Variants in IL22RA1 observed in about 807,000 individuals in gnomAD.
IL22RA1 encodes the protein interleukin-22 receptor subunit alpha-1.
A neutral mutation model predicts 32.8 loss-of-function variants in IL22RA1; 25 were observed. That is an observed-to-expected ratio of 0.76 (90% CI 0.55 to 1.06). IL22RA1 has a LOEUF of 1.06. IL22RA1 is among the 50% of genes least tolerant of loss of function. The pLI, the probability that IL22RA1 is intolerant of heterozygous loss-of-function variation, is 0.00. For missense variants in IL22RA1, 709 were observed against 727.4 expected (o/e 0.97, Z 0.29); for synonymous variants, 305 against 305.0 (o/e 1.00, Z 0.00).
intron 6 of IL22RA1, among the ~76,000 whole-genome samples, 160 bp downstream of exon 6, chr1:24,123,142 C>T (rs1644136796): frequency 1.3e-5 from 2 of 152,232 alleles, no homozygotes; most frequent in African/African-American, 2.4e-5. Flanking sequence ...CTGGGCTACA[C>T]GTCCGTTGAC....
At chr1:24,122,583 G>A (rs1644132779) in intron 6 of IL22RA1, among the ~76,000 whole-genome samples, 2 of 152,114 alleles carry the variant, frequency 1.3e-5, no homozygotes, top group Admixed American at 1.3e-4. Context: ...ATCACCTGAA[G>A]TCAGGAGTTT....
At chr1:24,128,117 C>A in intron 5 of IL22RA1, 24 bp downstream of exon 5, 1 of 1,496,218 alleles carries the variant, frequency 6.7e-7, no homozygotes, top group Non-Finnish European at 8.9e-7. Context: ...AGCCCCACCT[C>A]CCTCTGGTTT....
intron 5 of IL22RA1, among the ~76,000 whole-genome samples, chr1:24,125,036 G>A (rs775846601): frequency 6.6e-6 from 1 of 152,152 alleles, no homozygotes; most frequent in Non-Finnish European, 1.5e-5. Context: ...GGGTGTTAGA[G>A]GCCTGGCTCT....
chr1:24,137,212 A>T lies in IL22RA1; in HGVS notation c.274T>A (p.Tyr92Asn), dbSNP rs1234654321. 17 of 1,613,908 alleles carry T rather than the reference A, an allele frequency of 1.1e-5. No individual in the cohort carries two copies. The highest frequency in any genetic ancestry group is 1.4e-5 in the Non-Finnish European group (17 of 1,179,810). Residue 92 changes from tyrosine to asparagine, a missense_variant, in exon 3 of 7, where the codon TAC becomes AAC. Coordinates refer to ENST00000270800, the MANE Select transcript of IL22RA1 (RefSeq NM_021258.4). Reference sequence around the variant, plus strand: ...CTGACAGCGGTGACCCTGGCATAGTAGAGCTCCGTGAGGTTGCCCGTCTCC... The same window carrying T: ...CTGACAGCGGTGACCCTGGCATAGTTGAGCTCCGTGAGGTTGCCCGTCTCC... ...TVETGNLTEL[Y>N]YARVTAVSAG...
At chr1:24,142,287 CT>C (rs1259405567) in intron 1 of IL22RA1, among the ~76,000 whole-genome samples, 1 of 152,232 alleles carries the variant, frequency 6.6e-6, no homozygotes, top group Non-Finnish European at 1.5e-5. Context: ...GAGGCCATAC[CT>C]GCTCGCCATC....
chr1:24,129,224 T>C (rs1469567389), intron 4 of IL22RA1, among the ~76,000 whole-genome samples: 1 of 152,226 alleles, frequency 6.6e-6, no homozygotes, highest in East Asian at 1.9e-4. Context: ...CTGCAAGATT[T>C]GCTCTTCAAC....
At chr1:24,121,772 T>A (rs1644124901) in intron 6 of IL22RA1, 35 bp from the exon 7 acceptor site, 1 of 1,437,302 alleles carries the variant, frequency 7.0e-7, no homozygotes, top group Non-Finnish European at 9.2e-7. Flanking sequence ...CCCCCTGTGG[T>A]TAGGGTAAGT....
At chr1:24,136,056 G>T (rs1035008105) in intron 3 of IL22RA1, among the ~76,000 whole-genome samples, 2 of 152,168 alleles carry the variant, frequency 1.3e-5, no homozygotes, top group African/African-American at 4.8e-5. Context: ...CTGGGTTCAA[G>T]CTACCCTCCC....
At chr1:24,133,266 G>A (rs1644219044) in intron 4 of IL22RA1, among the ~76,000 whole-genome samples, 1 of 151,340 alleles carries the variant, frequency 6.6e-6, no homozygotes, top group South Asian at 2.1e-4. Context: ...TGTCATTTTT[G>A]GCTTCCTAAA....
intron 4 of IL22RA1, 75 bp from the exon 5 acceptor site, chr1:24,128,354 G>A (rs1272524113): frequency 8.3e-6 from 13 of 1,569,008 alleles, no homozygotes; most frequent in Admixed American, 1.7e-5. Flanking sequence ...AAGCTTGCTC[G>A]CTCCTCCTGG....
chr1:24,121,468 G>T lies in IL22RA1; in HGVS notation c.1062C>A (p.Asn354Lys). The T allele has an allele frequency of 1.3e-6, 2 of 1,549,246 alleles. No individual in the cohort carries two copies. Among genetic ancestry groups the T allele is most frequent in the Non-Finnish European group, 1.7e-6 (2 of 1,145,422 alleles). ...QILSPLSYAP[N>K]AAPEVGPPSY... is the part of the protein sequence containing the mutation. The stretch of plus-strand genomic sequence containing the variant: ...ATGGGGGCCCGACCTCAGGGGCAGC[G>T]TTTGGGGCATAGGACAGTGGGGAGA... Residue 354 changes from asparagine (N) to lysine (K), a missense_variant, in exon 7 of 7, where the codon AAC becomes AAA. Asn to Lys is a moderately conservative substitution (Grantham distance 94, BLOSUM62 0). Coordinates refer to ENST00000270800, the MANE Select transcript of IL22RA1 (RefSeq NM_021258.4).
At chr1:24,124,079 A>G (rs993651093) in intron 5 of IL22RA1, among the ~76,000 whole-genome samples, 8 of 152,214 alleles carry the variant, frequency 5.3e-5, no homozygotes, top group African/African-American at 1.9e-4. Context: ...CACAGGATCC[A>G]GATGGATCTG....
At position 24,128,132 on chromosome 1, in the gene IL22RA1, C is replaced by G; in HGVS notation, c.670+9G>C. On this transcript the variant is annotated intron_variant, in intron 5 of 6. Coordinates refer to ENST00000270800, the MANE Select transcript of IL22RA1 (RefSeq NM_021258.4). ...AGCCCCACCTCCCTCTGGTTTCAGC[C>G]GAACTCACCTGGCAGTGTCTTCACT... The G allele has an allele frequency of 3.3e-6, 5 of 1,507,896 alleles. No homozygotes were observed. The highest frequency in any genetic ancestry group is 2.7e-5 in the South Asian group (2 of 75,220). The allele number at this position is 1,507,896 out of a possible 1,614,324, so 93.4% of individuals were successfully genotyped here.
At chr1:24,132,377 G>A (rs982562830) in intron 4 of IL22RA1, among the ~76,000 whole-genome samples, 17 of 150,226 alleles carry the variant, frequency 1.1e-4, no homozygotes, top group African/African-American at 3.9e-4. Context: ...TGTCGCCCAG[G>A]CTGGAGTGCA....
chr1:24,135,781 A>C (rs1326727956), intron 3 of IL22RA1, among the ~76,000 whole-genome samples: 1 of 152,304 alleles, frequency 6.6e-6, no homozygotes, highest in East Asian at 1.9e-4. Flanking sequence ...ACAAGAACGT[A>C]CCCACTATCA....
chr1:24,141,191 G>A (rs1023418384), intron 1 of IL22RA1, among the ~76,000 whole-genome samples: 1 of 152,236 alleles, frequency 6.6e-6, no homozygotes, highest in African/African-American at 2.4e-5. Flanking sequence ...GGTGACGGCT[G>A]TGCCGTGGAG....
intron 5 of IL22RA1, among the ~76,000 whole-genome samples, chr1:24,124,852 T>C (rs1001344391): frequency 5.9e-5 from 9 of 152,118 alleles, no homozygotes; most frequent in Non-Finnish European, 1.2e-4. Context: ...CGAATGTCTA[T>C]AACATTCCTG....
Position 24,120,613 on chromosome 1 carries a change from T to C in IL22RA1, c.*192A>G. 3.4e-6 allele frequency: 2 copies of C among 583,192 alleles called. No homozygotes were observed. Among genetic ancestry groups the C allele is most frequent in the South Asian group, 5.3e-5 (2 of 37,464 alleles). The allele number at this position is 583,192 out of a possible 1,614,324, so 36.1% of individuals were successfully genotyped here. A position where few individuals can be genotyped will look rare whatever the true frequency, so the allele number is the denominator to read the frequency against. On this transcript the variant is annotated 3_prime_UTR_variant, in exon 7 of 7. Transcript: ENST00000270800. ...CAGAGCTCCCCCGCTGCAGTCCTTA[T>C]CATGCTGCTTTGCTCCGGTGAGGAG...
Position 24,138,725 on chromosome 1 carries a change from G to A in IL22RA1, c.44-11C>T. 1 of 1,613,406 alleles carries A rather than the reference G, an allele frequency of 6.2e-7. No homozygotes were observed. Among genetic ancestry groups the A allele is most frequent in the Non-Finnish European group, 8.5e-7 (1 of 1,179,718 alleles). ...CCTCAGGGGCGTGAGCTGCAGGAGG[G>A]TGGGAGGAGGGTGAGCAGGGGCTTT... is the stretch of plus-strand genomic sequence containing the variant. On this transcript the variant is annotated splice_polypyrimidine_tract_variant and intron_variant, in intron 1 of 6. Coordinates refer to ENST00000270800, the MANE Select transcript of IL22RA1 (RefSeq NM_021258.4).
Sources: gnomAD v4.1 joint callset for allele counts (sites outside exome capture counted in the v4.1 genomes callset) on GRCh38, gnomAD v4.1.1 for gene constraint, MANE v1.5 for transcripts, NCBI Gene and HGNC (gene_info 2026-07-23, HGNC 2026-07-21) for gene names.